The following ITGA1 variants were observed in gnomAD, a reference collection of about 807,000 sequenced individuals.
The protein encoded by ITGA1 is integrin subunit alpha 1.
In ITGA1, 85 loss-of-function variants were observed where a neutral mutation model predicts 145.9. That is an observed-to-expected ratio of 0.58 (90% CI 0.49 to 0.70). The LOEUF is 0.70. ITGA1 is among the 30% of genes least tolerant of loss of function. The pLI is 0.00. For synonymous variants in ITGA1, 520 were observed against 495.3 expected (o/e 1.05, Z -0.66); for missense variants, 1,351 against 1,418.7 (o/e 0.95, Z 0.77).
In ITGA1 at chr5:52,927,873, G is replaced by A. The variant is rs191889927; in HGVS notation, c.2694+209G>A. On this transcript the variant is annotated intron_variant, in intron 20 of 28. Coordinates refer to ENST00000282588, the MANE Select transcript of ITGA1 (RefSeq NM_181501.2). ...TTAATACTTAATCCCCAATGTGATC[G>A]TAGTAAAAGATGAGGCCTTTAGGAG... 2.1e-4 allele frequency among the ~76,000 whole-genome samples: 32 copies of A among 152,250 alleles called. No homozygotes were observed. In the East Asian group the frequency reaches 5.0e-3, roughly 24 times the overall value.
Position 52,922,798 on chromosome 5 carries a change from T to A in ITGA1, c.2314T>A (p.Ser772Thr). 6.2e-7 allele frequency: 1 copy of A among 1,612,288 alleles called. No homozygotes were observed. Among genetic ancestry groups the A allele is most frequent in the Non-Finnish European group, 8.5e-7 (1 of 1,178,380 alleles). ...YMLDKHDFQD[S>T]VRITLDFNLT... ...CTAGGACAAGCATGACTTTCAGGAC[T>A]CTGTGAGAATAACGTTGGACTTTAA... The change falls in exon 18 of 29, where the codon TCT becomes ACT. Residue 772 changes from serine to threonine, a missense_variant. Transcript: ENST00000282588.
chr5:52,940,344 C>T (rs1157723844), intron 26 of ITGA1, among the ~76,000 whole-genome samples: 4 of 151,850 alleles, frequency 2.6e-5, no homozygotes, highest in African/African-American at 9.7e-5. Flanking sequence ...CATAGACTTA[C>T]TGTGTTTTAT....
intron 12 of ITGA1, 93 bp downstream of exon 12, chr5:52,906,001 C>G (rs1750397458): frequency 1.8e-6 from 2 of 1,095,810 alleles, no homozygotes; most frequent in Non-Finnish European, 2.6e-6. Flanking sequence ...AATGCAATAC[C>G]CACATATTCA....
In ITGA1 at chr5:52,953,710, C is replaced by T. The variant is rs1380123979; in HGVS notation, c.*1259C>T. 2 of 152,270 alleles carry T rather than the reference C, an allele frequency of 1.3e-5. No homozygotes were observed. Among genetic ancestry groups the T allele is most frequent in the Middle Eastern group, 3.4e-3 (1 of 294 alleles). The allele number at this position is 152,270 out of a possible 1,614,324, so 9.4% of individuals were successfully genotyped here. On this transcript the variant is annotated 3_prime_UTR_variant, in exon 29 of 29. Transcript: ENST00000282588. ...AGTAGTCATTATGGTTCATTGGAAT[C>T]TACTGTAGCATAAGCTCCTAGGTTG...
chr5:52,873,228 C>T (rs376754671), intron 6 of ITGA1, among the ~76,000 whole-genome samples: 2 of 152,118 alleles, frequency 1.3e-5, no homozygotes, highest in East Asian at 3.9e-4. Context: ...CCTGGACAAC[C>T]CTTTACATTG....
At chr5:52,951,346 A>T (rs1402691644) in intron 28 of ITGA1, among the ~76,000 whole-genome samples, 3 of 152,098 alleles carry the variant, frequency 2.0e-5, no homozygotes, top group Non-Finnish European at 4.4e-5. Context: ...TTCTTTTTTT[A>T]AAAATAAGCA....
chr5:52,800,565 C>G (rs1352744692), intron 1 of ITGA1: 1 of 1,613,528 alleles, frequency 6.2e-7, no homozygotes. Context: ...GCAGCGTGGG[C>G]AGCAACCGGG....
rs1038683990 is a variant in ITGA1 at position 52,840,314 on chromosome 5, C to T, written c.62-9051C>T. On this transcript the variant is annotated intron_variant, in intron 1 of 28. Transcript: ENST00000282588. Reference sequence around the variant, plus strand: ...CCCTGCTTTGTTTTGAAGCGTAGTACGCCTTTCCGTATGCAGTGCTCCATG... The same window carrying T: ...CCCTGCTTTGTTTTGAAGCGTAGTATGCCTTTCCGTATGCAGTGCTCCATG... 3.3e-5 allele frequency among the ~76,000 whole-genome samples: 5 copies of T among 152,142 alleles called. No individual in the cohort carries two copies. The South Asian group carries it at 6.2e-4, about 19-fold the overall frequency.
intron 1 of ITGA1, among the ~76,000 whole-genome samples, chr5:52,834,575 A>AAGAAAGAAAGAGAG (rs1749129379): frequency 1.3e-5 from 2 of 149,784 alleles, no homozygotes; most frequent in South Asian, 4.2e-4. Flanking sequence ...AGAGAGAAGA[A>AAGAAAGAAAGAGAG]AGAAAGAAAG....
chr5:52,893,693 C>T lies in ITGA1; in HGVS notation c.943C>T (p.Arg315Ter), dbSNP rs139270387. 1.2e-5 allele frequency: 20 copies of T among 1,611,800 alleles called. No homozygotes were observed. Among genetic ancestry groups the T allele is most frequent in the East Asian group, 2.2e-5 (1 of 44,764 alleles). The change falls in exon 9 of 29, where the codon CGA (arginine) becomes TGA (stop). Residue 315 changes from arginine (R) to a stop codon, truncating the protein, a stop_gained. Coordinates refer to ENST00000282588, the MANE Select transcript of ITGA1 (RefSeq NM_181501.2). LOFTEE classifies it high-confidence loss of function. ...GTCTTAGATTCTTGGCAGCTATAAC[C>T]GAGGAAATTTAAGCACTGAAAAATT... ...FSIAILGSYN[R>*]GNLSTEKFVE... is the part of the protein sequence containing the mutation.
intron 17 of ITGA1, among the ~76,000 whole-genome samples, chr5:52,921,788 A>G (rs1750732759): frequency 6.6e-6 from 1 of 152,172 alleles, no homozygotes; most frequent in African/African-American, 2.4e-5. Context: ...AATATTCCAC[A>G]TTCTGAGAGA....
At chr5:52,801,254 TAAAAAG>T (rs1748474903) in intron 1 of ITGA1, 1 of 1,153,710 alleles carries the variant, frequency 8.7e-7, no homozygotes, top group Non-Finnish European at 1.2e-6. Context: ...GATAATGAAA[TAAAAAG>T]AGAATGTTAA....
intron 5 of ITGA1, 63 bp from the exon 6 acceptor site, chr5:52,865,627 G>T: frequency 7.7e-7 from 1 of 1,306,832 alleles, no homozygotes; most frequent in South Asian, 2.3e-5. Flanking sequence ...AGCCATGAAA[G>T]CACTTCATAT....
intron 28 of ITGA1, among the ~76,000 whole-genome samples, chr5:52,950,631 T>C (rs973363066): frequency 6.6e-6 from 1 of 152,202 alleles, no homozygotes; most frequent in African/African-American, 2.4e-5. Context: ...CTATAAACTA[T>C]TTTCTCCTAA....
chr5:52,918,594 A>G (rs1750684500), intron 15 of ITGA1, 138 bp from the exon 16 acceptor site: 1 of 642,814 alleles, frequency 1.6e-6, no homozygotes. Flanking sequence ...AACAATGATT[A>G]ATTAAAGAAA....
At chr5:52,846,624 T>C (rs1749342786) in intron 1 of ITGA1, among the ~76,000 whole-genome samples, 1 of 152,216 alleles carries the variant, frequency 6.6e-6, no homozygotes, top group Non-Finnish European at 1.5e-5. Context: ...CAGAAGATGG[T>C]AACCAGCTGT....
chr5:52,886,970 G>A (rs928527487), intron 7 of ITGA1, among the ~76,000 whole-genome samples: 1 of 152,050 alleles, frequency 6.6e-6, no homozygotes, highest in Non-Finnish European at 1.5e-5. Flanking sequence ...GTAGAGACGG[G>A]GTTTCACCTT....
At chr5:52,928,904 G>A (rs1262887859) in intron 20 of ITGA1, among the ~76,000 whole-genome samples, 1 of 152,116 alleles carries the variant, frequency 6.6e-6, no homozygotes, top group African/African-American at 2.4e-5. Context: ...TTGGGGATTT[G>A]GTGATTATCT....
rs1450709133 is a variant in ITGA1, at chr5:52,879,250, T to G, written c.625-2623T>G. On this transcript the variant is annotated intron_variant, in intron 6 of 28. Transcript: ENST00000282588. ...ATAGATTATTAAGTAGATGCCAAAA[T>G]TTTCAAGAAAAACAACAGGAGTAGG... Among the ~76,000 whole-genome samples the G allele has an allele frequency of 3.3e-5, 5 of 151,890 alleles. No homozygotes were observed. In the East Asian group the frequency reaches 9.7e-4, roughly 29 times the overall value.
Sources: allele counts gnomAD v4.1 joint callset (sites outside exome capture counted in the v4.1 genomes callset), GRCh38; gene constraint gnomAD v4.1.1; transcripts MANE v1.5; gene names NCBI Gene and HGNC (gene_info 2026-07-23, HGNC 2026-07-21).